The following FREM3 variants were observed in gnomAD, a reference collection of about 807,000 sequenced individuals.
The protein encoded by FREM3 is FRAS1-related extracellular matrix protein 3.
FREM3 carries 105 observed loss-of-function variants against 129.1 expected under a neutral mutation model. That is an observed-to-expected ratio of 0.81 (90% CI 0.69 to 0.96). FREM3 has a LOEUF of 0.96. FREM3 is among the 40% of genes least tolerant of loss of function. FREM3 has a pLI of 0.00. For synonymous variants in FREM3, 1,014 were observed against 1,044.9 expected, an observed-to-expected ratio of 0.97 and a Z score of 0.57; for missense variants, 2,593 against 2,666.3, an observed-to-expected ratio of 0.97 and a Z score of 0.61.
At chr4:143,582,028 A>C (rs911660056) in intron 7 of FREM3, among the ~76,000 whole-genome samples, 1 of 151,794 alleles carries the variant, frequency 6.6e-6, no homozygotes, top group Non-Finnish European at 1.5e-5. Context: ...GGCCCTCCCC[A>C]GTGCCCCAAG....
chr4:143,624,180 G>A lies in FREM3; in HGVS notation c.5581C>T (p.Leu1861=). ...AGTACAGCCATGAGAGGTTCAGACA[G>A]AATGATCTGGAAGGTCTCTGAAGTC... ...YETSETFQII[L]SEPLMAVLEF... is the part of the protein sequence containing the mutation. Residue 1861 remains leucine, a synonymous_variant, in exon 4 of 8, where the codon CTG becomes TTG. Coordinates refer to ENST00000329798, the MANE Select transcript of FREM3 (RefSeq NM_001168235.2). The A allele has an allele frequency of 6.5e-7, 1 of 1,536,916 alleles. No individual in the cohort carries two copies. The highest frequency in any genetic ancestry group is 8.7e-7 in the Non-Finnish European group (1 of 1,146,640).
At chr4:143,593,382 T>G (rs1205285936) in intron 6 of FREM3, among the ~76,000 whole-genome samples, 1 of 152,218 alleles carries the variant, frequency 6.6e-6, no homozygotes, top group Non-Finnish European at 1.5e-5. Flanking sequence ...ACCTTTGGTC[T>G]TTGATGATGG....
chr4:143,673,691 TAG>T (rs1254174425), intron 2 of FREM3, among the ~76,000 whole-genome samples: 38 of 152,300 alleles, frequency 2.5e-4, no homozygotes, highest in African/African-American at 2.6e-4. Flanking sequence ...CCCCCAGAGG[TAG>T]AGTCTACAGA....
At chr4:143,621,460 A>G (rs1164791887) in intron 4 of FREM3, among the ~76,000 whole-genome samples, 1 of 152,130 alleles carries the variant, frequency 6.6e-6, no homozygotes, top group Non-Finnish European at 1.5e-5. Flanking sequence ...TCAAATTTTA[A>G]GTCTTCTAAA....
rs368540001 is a variant in FREM3 at position 143,697,102 on chromosome 4, C to T, written c.3574G>A (p.Glu1192Lys). The T allele has an allele frequency of 4.9e-5, 76 of 1,537,820 alleles. No individual in the cohort carries two copies. The African/African-American group carries it at 8.9e-4, about 18-fold the overall frequency. The change falls in exon 1 of 8, where the codon GAG becomes AAG. Residue 1192 changes from glutamate to lysine, a missense_variant. Glu to Lys is a moderately conservative substitution (Grantham distance 56). This residue lies in a region of FREM3 where 2,276 missense variants were observed against 2,267.2 expected (regional missense o/e 1.00). Transcript: ENST00000329798. Reference protein sequence around the residue: ...FPIIILPTNDEQPKLFAHEFK... With the variant: ...FPIIILPTNDKQPKLFAHEFK... ...TCATGGGCAAAAAGTTTAGGCTGCT[C>T]ATCATTGGTGGGTAGGATGATTATA...
intron 6 of FREM3, among the ~76,000 whole-genome samples, chr4:143,587,395 C>G (rs1475700989): frequency 6.6e-6 from 1 of 152,206 alleles, no homozygotes; most frequent in African/African-American, 2.4e-5. Context: ...CTCAGGCATA[C>G]AGCAGGCAGG....
intron 2 of FREM3, among the ~76,000 whole-genome samples, chr4:143,663,691 G>A (rs1269079569): frequency 2.0e-5 from 3 of 152,104 alleles, no homozygotes; most frequent in Non-Finnish European, 4.4e-5. Context: ...TTCCAACTTG[G>A]TTCCATTCTA....
chr4:143,662,347 C>T (rs997404200), intron 2 of FREM3, among the ~76,000 whole-genome samples: 2 of 152,090 alleles, frequency 1.3e-5, no homozygotes, highest in Non-Finnish European at 2.9e-5. Context: ...TCATTAGTAC[C>T]CAGTAGTCAT....
intron 6 of FREM3, among the ~76,000 whole-genome samples, chr4:143,607,055 C>A (rs761406991): frequency 2.0e-5 from 3 of 152,108 alleles, no homozygotes; most frequent in South Asian, 2.1e-4. Context: ...TGGTTATATT[C>A]TTCACTGCTG....
At chr4:143,607,100 G>T (rs1738681172) in intron 6 of FREM3, among the ~76,000 whole-genome samples, 1 of 152,064 alleles carries the variant, frequency 6.6e-6, no homozygotes, top group African/African-American at 2.4e-5. Context: ...CTGACACATG[G>T]TAGGGGCTCA....
At chr4:143,586,607 C>T (rs1024907774) in intron 6 of FREM3, among the ~76,000 whole-genome samples, 14 of 152,158 alleles carry the variant, frequency 9.2e-5, no homozygotes, top group Non-Finnish European at 1.8e-4. Context: ...ACAACCAGCA[C>T]AGACACCAGG....
chr4:143,624,147 G>A lies in FREM3; in HGVS notation c.5614C>T (p.Pro1872Ser). ...ACAATTTCAACCGTTGCCATTTCTG[G>A]AAACTCCAGTACAGCCATGAGAGGT... ...SEPLMAVLEF[P>S]EMATVEIVDP... The change falls in exon 4 of 8, where the codon CCA becomes TCA. Residue 1872 changes from proline (P) to serine (S), a missense_variant. Transcript: ENST00000329798. 2 of 1,536,704 alleles carry A rather than the reference G, an allele frequency of 1.3e-6. No individual in the cohort carries two copies. The highest frequency in any genetic ancestry group is 1.7e-6 in the Non-Finnish European group (2 of 1,146,476).
At chr4:143,677,576 C>G (rs2149858110) in intron 2 of FREM3, among the ~76,000 whole-genome samples, 1 of 152,256 alleles carries the variant, frequency 6.6e-6, no homozygotes, top group Admixed American at 6.5e-5. Context: ...TTCTGGACAG[C>G]AAAAGAAACT....
chr4:143,597,333 T>G (rs1738501178), intron 6 of FREM3, among the ~76,000 whole-genome samples: 1 of 152,062 alleles, frequency 6.6e-6, no homozygotes, highest in Non-Finnish European at 1.5e-5. Flanking sequence ...CCAAAACACA[T>G]CGTATGAAAC....
chr4:143,666,774 A>T (rs752255954), intron 2 of FREM3, among the ~76,000 whole-genome samples: 2 of 151,492 alleles, frequency 1.3e-5, no homozygotes, highest in South Asian at 2.1e-4. Flanking sequence ...GTTTGGAGTG[A>T]TGGAAGGTTG....
At chr4:143,601,424 T>C (rs912883775) in intron 6 of FREM3, among the ~76,000 whole-genome samples, 2 of 152,214 alleles carry the variant, frequency 1.3e-5, no homozygotes, top group East Asian at 1.9e-4. Context: ...ACAAAATATA[T>C]AACCCTCTGT....
chr4:143,697,090 G>A lies in FREM3; in HGVS notation c.3586C>T (p.Leu1196Phe), dbSNP rs1371140988. 4 of 1,537,770 alleles carry A rather than the reference G, an allele frequency of 2.6e-6. No individual in the cohort carries two copies. Among genetic ancestry groups the A allele is most frequent in the Non-Finnish European group, 3.5e-6 (4 of 1,147,028 alleles). ...ILPTNDEQPK[L>F]FAHEFKVLEG... ...AGTACCTTAAACTCATGGGCAAAAA[G>A]TTTAGGCTGCTCATCATTGGTGGGT... is the stretch of plus-strand genomic sequence containing the variant. Residue 1196 changes from leucine to phenylalanine, a missense_variant, in exon 1 of 8, where the codon CTT becomes TTT. Leu to Phe is a conservative substitution (Grantham distance 22). Coordinates refer to ENST00000329798, the MANE Select transcript of FREM3 (RefSeq NM_001168235.2).
chr4:143,587,839 G>C (rs1267070911), intron 6 of FREM3, among the ~76,000 whole-genome samples: 2 of 152,144 alleles, frequency 1.3e-5, no homozygotes, highest in Non-Finnish European at 2.9e-5. Context: ...TATTCTGGCT[G>C]ATCACTTAAT....
At chr4:143,601,753 A>G (rs1046994733) in intron 6 of FREM3, 15 of 152,180 alleles carry the variant, frequency 9.9e-5, no homozygotes, top group African/African-American at 3.6e-4. Flanking sequence ...AGTGTGGGCC[A>G]GGGAGTCTGT....
Sources: allele counts gnomAD v4.1 joint callset (sites outside exome capture counted in the v4.1 genomes callset), GRCh38; gene constraint gnomAD v4.1.1; regional missense constraint gnomAD v4.1.1; transcripts MANE v1.5; gene names NCBI Gene and HGNC (gene_info 2026-07-23, HGNC 2026-07-21).